Variants in ENTREP2 observed in about 807,000 individuals in gnomAD.
ENTREP2 encodes the protein protein ENTREP2.
chr15:29,673,970 C>T, the ENTREP2 span, among the ~76,000 whole-genome samples: 1 of 152,196 alleles, frequency 6.6e-6, no homozygotes, highest in Admixed American at 6.5e-5. Context: ...TGTGTGTGTT[C>T]AGGGCAATCC....
At chr15:29,197,137 G>A in the ENTREP2 span, among the ~76,000 whole-genome samples, 1 of 152,154 alleles carries the variant, frequency 6.6e-6, no homozygotes, top group East Asian at 1.9e-4. Context: ...AATGCTGAAT[G>A]AATAAAAACG....
At chr15:29,582,795 G>T in the ENTREP2 span, among the ~76,000 whole-genome samples, 11 of 152,074 alleles carry the variant, frequency 7.2e-5, no homozygotes, top group Non-Finnish European at 1.5e-4. Flanking sequence ...GGGATTACAG[G>T]CAGGCGCCAC....
the ENTREP2 span, among the ~76,000 whole-genome samples, chr15:29,503,807 A>G: frequency 6.6e-6 from 1 of 152,210 alleles, no homozygotes; most frequent in Non-Finnish European, 1.5e-5. Context: ...ATTTTTCTCA[A>G]CTGTGTGGTA....
chr15:29,363,283 A>G, the ENTREP2 span, among the ~76,000 whole-genome samples: 1 of 152,128 alleles, frequency 6.6e-6, no homozygotes, highest in African/African-American at 2.4e-5. Flanking sequence ...CCTTTAACTC[A>G]CCTATATTTT....
the ENTREP2 span, among the ~76,000 whole-genome samples, chr15:29,408,399 G>A: frequency 6.5e-5 from 9 of 138,366 alleles, no homozygotes; most frequent in Non-Finnish European, 1.4e-4. Context: ...TCCTGGGCTT[G>A]TAGGGGTAAC....
the ENTREP2 span, among the ~76,000 whole-genome samples, chr15:29,414,930 C>T: frequency 6.0e-4 from 91 of 152,100 alleles, no homozygotes; most frequent in South Asian, 3.7e-3. Context: ...ACACATACAC[C>T]CTCCCAAGAC....
At chr15:29,558,489 C>T in the ENTREP2 span, among the ~76,000 whole-genome samples, 8 of 151,574 alleles carry the variant, frequency 5.3e-5, no homozygotes, top group Non-Finnish European at 1.0e-4. Flanking sequence ...CCAGCCCGGC[C>T]GGTCACCCAT....
At chr15:29,632,266 C>T in the ENTREP2 span, among the ~76,000 whole-genome samples, 3 of 152,112 alleles carry the variant, frequency 2.0e-5, no homozygotes, top group African/African-American at 7.2e-5. Context: ...TATGATTATC[C>T]ATTAAATTAT....
chr15:29,250,345 T>C, the ENTREP2 span, among the ~76,000 whole-genome samples: 1 of 152,310 alleles, frequency 6.6e-6, no homozygotes, highest in Non-Finnish European at 1.5e-5. Context: ...GATCAAGTTC[T>C]AAAGTGAGGG....
At chr15:29,350,383 G>T in the ENTREP2 span, among the ~76,000 whole-genome samples, 4 of 151,320 alleles carry the variant, frequency 2.6e-5, no homozygotes, top group Non-Finnish European at 5.9e-5. Flanking sequence ...CTCTTTTATT[G>T]TAATCAATAA....
the ENTREP2 span, among the ~76,000 whole-genome samples, chr15:29,599,362 A>G: frequency 6.6e-6 from 1 of 152,340 alleles, no homozygotes; most frequent in South Asian, 2.1e-4. Context: ...CTCTAAAGAG[A>G]CAGACCATGA....
At chr15:29,403,799 T>C in the ENTREP2 span, among the ~76,000 whole-genome samples, 1 of 152,102 alleles carries the variant, frequency 6.6e-6, no homozygotes, top group Non-Finnish European at 1.5e-5. Flanking sequence ...GGCTCCCTTC[T>C]CGGAATTCTT....
chr15:29,179,819 T>C, the ENTREP2 span, among the ~76,000 whole-genome samples: 1 of 151,992 alleles, frequency 6.6e-6, no homozygotes, highest in Non-Finnish European at 1.5e-5. Flanking sequence ...TCTCCTGATC[T>C]CGTGAGCTGC....
At chr15:29,269,906 C>T in the ENTREP2 span, 1 of 517,950 alleles carries the variant, frequency 1.9e-6, no homozygotes, top group Non-Finnish European at 3.3e-6. Context: ...CCAAAAGGAA[C>T]AGCGTTTTCC....
the ENTREP2 span, among the ~76,000 whole-genome samples, chr15:29,125,916 AC>A: frequency 6.6e-6 from 1 of 151,886 alleles, no homozygotes; most frequent in African/African-American, 2.4e-5. Flanking sequence ...AGCTGATGAC[AC>A]CCCCATGCCC....
At chr15:29,582,628 C>T in the ENTREP2 span, among the ~76,000 whole-genome samples, 1 of 151,914 alleles carries the variant, frequency 6.6e-6, no homozygotes, top group African/African-American at 2.4e-5. Context: ...AGAAAATAAT[C>T]CTGAATTTAT....
the ENTREP2 span, among the ~76,000 whole-genome samples, chr15:29,226,054 C>T: frequency 5.3e-4 from 80 of 152,320 alleles, no homozygotes; most frequent in African/African-American, 1.8e-3. Flanking sequence ...CAGAAGGGAG[C>T]GGAGCCAGGA....
the ENTREP2 span, among the ~76,000 whole-genome samples, chr15:29,539,116 C>T: frequency 6.6e-6 from 1 of 152,152 alleles, no homozygotes; most frequent in South Asian, 2.1e-4. Context: ...ATACTGGGGC[C>T]GGGTGGAAAC....
At chr15:29,641,543 A>C in the ENTREP2 span, among the ~76,000 whole-genome samples, 1 of 152,156 alleles carries the variant, frequency 6.6e-6, no homozygotes, top group Non-Finnish European at 1.5e-5. Flanking sequence ...ATGAAAGTAG[A>C]AAAACAGGCT....
Sources: allele counts gnomAD v4.1 joint callset (sites outside exome capture counted in the v4.1 genomes callset), GRCh38; gene constraint gnomAD v4.1.1; transcripts MANE v1.5; gene names NCBI Gene and HGNC (gene_info 2026-07-23, HGNC 2026-07-21).